The following GPC4 variants were observed in gnomAD, a reference collection of about 807,000 sequenced individuals.
The protein encoded by GPC4 is glypican-4.
GPC4 carries 10 observed loss-of-function variants against 35.0 expected under a neutral mutation model. The observed-to-expected ratio is 0.29, with a 90% CI of 0.18 to 0.48. GPC4 has a LOEUF of 0.48. GPC4 is among the 20% of genes least tolerant of loss of function. The pLI is 0.99. For missense variants in GPC4, 322 were observed against 451.3 expected (o/e 0.71, Z 2.60); for synonymous variants, 167 against 170.2 (o/e 0.98, Z 0.15).
At chrX:133,304,423 T>C (rs1037720044) in intron 7 of GPC4, among the ~76,000 whole-genome samples, 3 of 112,078 alleles carry the variant, frequency 2.7e-5, no homozygotes, top group Admixed American at 9.4e-5. Flanking sequence ...GGCTAGGCCA[T>C]TGGACAAAGA....
Position 133,377,971 on chromosome X carries a change from C to T in GPC4, c.160+36835G>A, listed in dbSNP as rs1476684574. ...GTGCAGTGGTGTGACCATGGCTCAC[C>T]GCAGCTTTAACCTCCCGGGTTCACG... On this transcript the variant is annotated intron_variant, in intron 1 of 8. Coordinates refer to ENST00000370828, the MANE Select transcript of GPC4 (RefSeq NM_001448.3). 9.6e-5 allele frequency among the ~76,000 whole-genome samples: 10 copies of T among 103,841 alleles called. No individual in the cohort carries two copies. In the East Asian group the frequency reaches 3.0e-3, roughly 31 times the overall value. The allele number at this position is 103,841 out of a possible 115,157, so 90.2% of individuals were successfully genotyped here.
intron 2 of GPC4, among the ~76,000 whole-genome samples, chrX:133,325,872 G>A (rs1043763017): frequency 4.5e-5 from 5 of 111,668 alleles, no homozygotes; most frequent in African/African-American, 1.6e-4. Context: ...GCAGGGAGAT[G>A]TATGTGTGTG....
intron 1 of GPC4, among the ~76,000 whole-genome samples, chrX:133,342,452 G>T (rs2068471521): frequency 8.9e-6 from 1 of 112,135 alleles, no homozygotes; most frequent in Non-Finnish European, 1.9e-5. Flanking sequence ...CAACAACAGG[G>T]TAGATACTTG....
intron 1 of GPC4, among the ~76,000 whole-genome samples, chrX:133,378,393 C>T (rs1448946286): frequency 9.2e-6 from 1 of 108,310 alleles, no homozygotes; most frequent in African/African-American, 3.4e-5. Context: ...CGGTGAAACC[C>T]CATCTCTACT....
At chrX:133,372,457 T>C (rs1219140700) in intron 1 of GPC4, among the ~76,000 whole-genome samples, 3 of 110,378 alleles carry the variant, frequency 2.7e-5, no homozygotes, top group Non-Finnish European at 5.7e-5. Flanking sequence ...TCAATTCCTT[T>C]TCTACTCACC....
chrX:133,323,190 G>A (rs1486595133), intron 3 of GPC4, among the ~76,000 whole-genome samples: 1 of 111,824 alleles, frequency 8.9e-6, no homozygotes, highest in Non-Finnish European at 1.9e-5. Flanking sequence ...CAAGAACAGA[G>A]TCTATCGGCC....
intron 2 of GPC4, among the ~76,000 whole-genome samples, chrX:133,335,286 G>C (rs1662422959): frequency 9.0e-6 from 1 of 110,978 alleles, no homozygotes; most frequent in South Asian, 3.9e-4. Flanking sequence ...ACAGATTTCT[G>C]GTATTAAACA....
intron 1 of GPC4, among the ~76,000 whole-genome samples, chrX:133,367,544 A>C (rs1401131945): frequency 8.9e-6 from 1 of 112,412 alleles, no homozygotes. Flanking sequence ...AAACCAGGAC[A>C]CATGGGAGAG....
chrX:133,360,542 A>G (rs945256286), intron 1 of GPC4, among the ~76,000 whole-genome samples: 1 of 110,617 alleles, frequency 9.0e-6, no homozygotes, highest in African/African-American at 3.3e-5. Context: ...CCGAAAAAAA[A>G]AAAGAAGAAG....
At chrX:133,394,831 G>A (rs1349675057) in intron 1 of GPC4, among the ~76,000 whole-genome samples, 1 of 111,760 alleles carries the variant, frequency 8.9e-6, no homozygotes, top group Admixed American at 9.6e-5. Flanking sequence ...TGTTGTTTTG[G>A]TTGATCTTCT....
chrX:133,411,654 G>T (rs750034175), intron 1 of GPC4, among the ~76,000 whole-genome samples: 16 of 111,516 alleles, frequency 1.4e-4, no homozygotes, highest in African/African-American at 4.9e-4. Flanking sequence ...AAAGGTCCTG[G>T]TGGCAGAAGC....
chrX:133,312,564 G>A (rs1487230833), intron 3 of GPC4, among the ~76,000 whole-genome samples: 3 of 104,540 alleles, frequency 2.9e-5, no homozygotes, highest in Non-Finnish European at 5.9e-5. Flanking sequence ...GGGAGACGGA[G>A]GTTGCAGCGA....
chrX:133,363,663 T>C (rs374718791), intron 1 of GPC4, among the ~76,000 whole-genome samples: 1 of 111,120 alleles, frequency 9.0e-6, no homozygotes, highest in African/African-American at 3.3e-5. Context: ...TGCCCCCCCA[T>C]CATGTTTTAA....
At chrX:133,379,612 A>G (rs185891808) in intron 1 of GPC4, among the ~76,000 whole-genome samples, 34 of 112,130 alleles carry the variant, frequency 3.0e-4, no homozygotes, top group Non-Finnish European at 5.4e-4. Flanking sequence ...TTTAAAAATG[A>G]AAGATCTGGG....
rs757935893 is a variant in GPC4, at chrX:133,352,657, A to G, written c.161-13316T>C. On this transcript the variant is annotated intron_variant, in intron 1 of 8. Coordinates refer to ENST00000370828, the MANE Select transcript of GPC4 (RefSeq NM_001448.3). ...TGGCATAGCTCCGTTCAATTTTTGT[A>G]GTAGAGGTCTCACCAGAGGAGAGCT... Among the ~76,000 whole-genome samples the G allele has an allele frequency of 3.6e-5, 4 of 111,880 alleles. No individual in the cohort carries two copies. In the East Asian group the frequency reaches 1.1e-3, roughly 31 times the overall value.
intron 2 of GPC4, among the ~76,000 whole-genome samples, chrX:133,332,813 G>T (rs752479068): frequency 8.9e-6 from 1 of 112,493 alleles, no homozygotes; most frequent in South Asian, 3.7e-4. Flanking sequence ...ATAATGCTGT[G>T]ATGAACATCC....
At chrX:133,372,255 A>G (rs1169729516) in intron 1 of GPC4, among the ~76,000 whole-genome samples, 8 of 105,919 alleles carry the variant, frequency 7.6e-5, no homozygotes, top group African/African-American at 2.7e-4. Flanking sequence ...AAAAGAGGTT[A>G]TAGGAAACCC....
At chrX:133,305,942 T>C in intron 5 of GPC4, 24 bp from the exon 6 acceptor site, 2 of 1,210,590 alleles carry the variant, frequency 1.7e-6, no homozygotes, top group Non-Finnish European at 2.2e-6. Flanking sequence ...AGTGTCGTCA[T>C]GTTAGGGAAG....
chrX:133,311,601 G>T, intron 3 of GPC4, 178 bp from the exon 4 acceptor site: 1 of 490,758 alleles, frequency 2.0e-6, no homozygotes, highest in Non-Finnish European at 3.5e-6. Context: ...GATACATGTT[G>T]GGACAGGGGA....
Sources: gnomAD v4.1 joint callset for allele counts (sites outside exome capture counted in the v4.1 genomes callset) on GRCh38, gnomAD v4.1.1 for gene constraint, MANE v1.5 for transcripts, NCBI Gene and HGNC (gene_info 2026-07-23, HGNC 2026-07-21) for gene names.